MTUS2: variants seen among roughly 807,000 people sequenced by gnomAD.
The protein encoded by MTUS2 is microtubule associated scaffold protein 2.
MTUS2 carries 40 observed loss-of-function variants against 114.1 expected under a neutral mutation model. The observed-to-expected ratio is 0.35, with a 90% confidence interval of 0.27 to 0.46. The LOEUF (loss-of-function observed/expected upper bound fraction) is 0.46. Ranked by LOEUF, MTUS2 falls within the 20% of genes least tolerant of loss-of-function variation. The pLI is 1.00. For missense variants in MTUS2, 1,679 were observed against 1,705.4 expected, an observed-to-expected ratio of 0.98 and a Z score of 0.27; for synonymous variants, 688 against 672.0, an observed-to-expected ratio of 1.02 and a Z score of -0.37.
Position 28,921,808 on chromosome 13 carries a change from A to G in MTUS2, c.-243+81958A>G, listed in dbSNP as rs576332781. On this transcript the variant is annotated intron_variant, in intron 2 of 15. Transcript: ENST00000612955. Reference sequence around the variant, plus strand: ...GCATGTCTTTGCTCTCCAATATAACAGGACAGCACTGAGATCAAAGTAAAG... The same window carrying G: ...GCATGTCTTTGCTCTCCAATATAACGGGACAGCACTGAGATCAAAGTAAAG... Among the ~76,000 whole-genome samples, 218 of 152,270 alleles carry G rather than the reference A, an allele frequency of 1.4e-3. 5 individuals are homozygous for G. The highest frequency in any genetic ancestry group is 1.8e-3 in the Non-Finnish European group (124 of 68,024).
chr13:28,825,880 T>C (rs9506050), intron 1 of MTUS2, among the ~76,000 whole-genome samples: 80,877 of 151,988 alleles, frequency 0.53, 22,416 homozygotes, highest in African/African-American at 0.63. Flanking sequence ...CAGCTGGCAT[T>C]GGGGAGGTGG....
At chr13:29,489,833 C>T (rs1593508931) in intron 11 of MTUS2, 1 of 152,224 alleles carries the variant, frequency 6.6e-6, no homozygotes, top group Non-Finnish European at 1.5e-5. Context: ...AGAATGGATA[C>T]TGCCTCTTCT....
At chr13:28,909,779 C>G (rs1293166823) in intron 2 of MTUS2, among the ~76,000 whole-genome samples, 2 of 152,126 alleles carry the variant, frequency 1.3e-5, no homozygotes, top group Non-Finnish European at 2.9e-5. Flanking sequence ...TCTAGGAAAC[C>G]CCATCGTCTC....
At chr13:29,417,550 C>T (rs74691952) in intron 8 of MTUS2, among the ~76,000 whole-genome samples, 2,054 of 152,128 alleles carry the variant, frequency 0.014, 26 homozygotes, top group Non-Finnish European at 0.019. Context: ...TAAAATGCCC[C>T]TTAGTAAATT....
intron 2 of MTUS2, among the ~76,000 whole-genome samples, chr13:28,922,576 G>A (rs1296523513): frequency 2.0e-5 from 3 of 152,146 alleles, no homozygotes; most frequent in African/African-American, 7.2e-5. Context: ...TCTGCTGGGT[G>A]CGCTCCTGTT....
At chr13:29,488,721 G>C (rs1164678974) in intron 11 of MTUS2, among the ~76,000 whole-genome samples, 1 of 152,140 alleles carries the variant, frequency 6.6e-6, no homozygotes, top group African/African-American at 2.4e-5. Flanking sequence ...CATCTGGTTG[G>C]ATCGGGGTAT....
At chr13:29,184,195 A>G (rs888925711) in intron 5 of MTUS2, among the ~76,000 whole-genome samples, 2 of 152,188 alleles carry the variant, frequency 1.3e-5, no homozygotes, top group Non-Finnish European at 2.9e-5. Flanking sequence ...AAAAATTTCA[A>G]GTATGCCGTT....
intron 3 of MTUS2, among the ~76,000 whole-genome samples, chr13:29,028,780 G>T (rs1342835813): frequency 6.6e-6 from 1 of 151,892 alleles, no homozygotes; most frequent in Non-Finnish European, 1.5e-5. Flanking sequence ...TCAATATTTT[G>T]TTCCCCGTGT....
chr13:29,358,125 G>A (rs995996291), intron 7 of MTUS2, among the ~76,000 whole-genome samples: 1 of 152,142 alleles, frequency 6.6e-6, no homozygotes, highest in African/African-American at 2.4e-5. Context: ...CTCTAGGAGT[G>A]TAATCTACTA....
intron 9 of MTUS2, among the ~76,000 whole-genome samples, chr13:29,440,886 G>A (rs562159891): frequency 1.3e-5 from 2 of 152,296 alleles, no homozygotes; most frequent in South Asian, 4.2e-4. Flanking sequence ...GCAGAAGGCT[G>A]AACTTCCCCA....
At position 29,268,931 on chromosome 13, in the gene MTUS2, T is replaced by C. The variant is rs557359243; in HGVS notation, c.2645-12773T>C. 7.9e-5 allele frequency among the ~76,000 whole-genome samples: 12 copies of C among 152,246 alleles called. No individual in the cohort carries two copies. In the South Asian group the frequency reaches 2.5e-3, roughly 32 times the overall value. On this transcript the variant is annotated intron_variant, in intron 5 of 15. Coordinates refer to ENST00000612955, the MANE Select transcript of MTUS2 (RefSeq NM_001033602.4). ...ATTTTTTGTAGAGACAGGGTCTCCC[T>C]ATGTTTCCCAGGCTGGTCTCAAACT...
intron 5 of MTUS2, among the ~76,000 whole-genome samples, chr13:29,252,190 A>C (rs1897144449): frequency 6.8e-6 from 1 of 147,410 alleles, no homozygotes; most frequent in South Asian, 2.1e-4. Flanking sequence ...TACTATTATA[A>C]TATAATCGTA....
chr13:29,143,972 A>G (rs1476735153), intron 5 of MTUS2, among the ~76,000 whole-genome samples: 1 of 152,168 alleles, frequency 6.6e-6, no homozygotes, highest in Non-Finnish European at 1.5e-5. Context: ...ATAGTGCCAT[A>G]TTTATTTATT....
chr13:29,019,452 ATTGCAGATAT>A (rs1273804653), intron 2 of MTUS2, among the ~76,000 whole-genome samples: 1 of 152,218 alleles, frequency 6.6e-6, no homozygotes, highest in Non-Finnish European at 1.5e-5. Flanking sequence ...ACAAGAATGG[ATTGCAGATAT>A]TTTCGATGAA....
At chr13:29,449,606 ATTC>A (rs1330554249) in intron 9 of MTUS2, among the ~76,000 whole-genome samples, 1 of 152,106 alleles carries the variant, frequency 6.6e-6, no homozygotes, top group African/African-American at 2.4e-5. Flanking sequence ...AAAGTCTTAA[ATTC>A]TTCCCACATA....
At chr13:28,923,205 A>G (rs1881144304) in intron 2 of MTUS2, among the ~76,000 whole-genome samples, 1 of 152,130 alleles carries the variant, frequency 6.6e-6, no homozygotes, top group South Asian at 2.1e-4. Flanking sequence ...TATTTGTTGA[A>G]ACATTTTTAT....
chr13:29,132,279 C>T (rs1303329026), intron 5 of MTUS2, among the ~76,000 whole-genome samples: 1 of 152,212 alleles, frequency 6.6e-6, no homozygotes, highest in Non-Finnish European at 1.5e-5. Context: ...TTCCTGTTCT[C>T]TTCAAATTCT....
At chr13:28,894,823 G>T (rs1879168367) in intron 2 of MTUS2, among the ~76,000 whole-genome samples, 1 of 152,174 alleles carries the variant, frequency 6.6e-6, no homozygotes, top group Non-Finnish European at 1.5e-5. Context: ...GAAAATGTAT[G>T]CTCTAAGTAT....
At chr13:29,403,034 C>T (rs2138504890) in intron 8 of MTUS2, among the ~76,000 whole-genome samples, 1 of 152,294 alleles carries the variant, frequency 6.6e-6, no homozygotes, top group East Asian at 1.9e-4. Flanking sequence ...CGCGCCCAGC[C>T]CCAGTACTTA....
Sources: gnomAD v4.1 joint callset for allele counts (sites outside exome capture counted in the v4.1 genomes callset) on GRCh38, gnomAD v4.1.1 for gene constraint, MANE v1.5 for transcripts, NCBI Gene and HGNC (gene_info 2026-07-23, HGNC 2026-07-21) for gene names.